Variants in ADGB observed in about 807,000 individuals in gnomAD.
The protein encoded by ADGB is calpain-7-like protein.
Under a neutral mutation model 210.5 loss-of-function variants are expected in ADGB, and 172 were observed. The ratio of observed to expected loss-of-function variants is 0.82; its 90% CI spans 0.72 to 0.93. The LOEUF is 0.93. ADGB is among the 40% of genes least tolerant of loss of function. The pLI, the probability that ADGB is intolerant of heterozygous loss-of-function variation, is 0.00. For missense variants in ADGB, 2,025 were observed against 1,964.8 expected, an observed-to-expected ratio of 1.03 and a Z score of -0.58; for synonymous variants, 658 against 662.7, an observed-to-expected ratio of 0.99 and a Z score of 0.11.
intron 29 of ADGB, among the ~76,000 whole-genome samples, chr6:146,772,460 C>T (rs1015569312): frequency 3.4e-5 from 5 of 147,170 alleles, no homozygotes; most frequent in Non-Finnish European, 7.5e-5. Context: ...GCTGGCACAG[C>T]TGGGAATTCT....
intron 15 of ADGB, 133 bp downstream of exon 15, chr6:146,717,202 C>T: frequency 1.4e-6 from 1 of 728,708 alleles, no homozygotes; most frequent in South Asian, 2.5e-5. Context: ...TAATTCTTAG[C>T]ATCATCCAAA....
chr6:146,771,286 CTG>C (rs2114633445), intron 29 of ADGB, among the ~76,000 whole-genome samples: 1 of 151,982 alleles, frequency 6.6e-6, no homozygotes, highest in African/African-American at 2.4e-5. Flanking sequence ...TTGCCTAACC[CTG>C]TGTTATGGAT....
At chr6:146,746,168 T>C in intron 26 of ADGB, 59 bp downstream of exon 26, 1 of 1,230,130 alleles carries the variant, frequency 8.1e-7, no homozygotes. Flanking sequence ...TATTTTAGGA[T>C]AAAAATAAAT....
At chr6:146,641,972 A>AGTTAAAGATTTAGGTTCTGTATATG (rs1775522891) in intron 2 of ADGB, among the ~76,000 whole-genome samples, 1 of 152,122 alleles carries the variant, frequency 6.6e-6, no homozygotes, top group Non-Finnish European at 1.5e-5. Flanking sequence ...CAGACAAACT[A>AGTTAAAGATTTAGGTTCTGTATATG]CAGAATGGGA....
At chr6:146,680,511 G>A (rs542916617) in intron 9 of ADGB, among the ~76,000 whole-genome samples, 4 of 152,226 alleles carry the variant, frequency 2.6e-5, no homozygotes, top group African/African-American at 7.2e-5. Context: ...GAAAATATGT[G>A]GTGTCTGCTT....
chr6:146,634,391 C>T (rs1236843339), intron 1 of ADGB, among the ~76,000 whole-genome samples: 1 of 152,004 alleles, frequency 6.6e-6, no homozygotes, highest in African/African-American at 2.4e-5. Flanking sequence ...TAATTTGTAT[C>T]CAGAACCCAC....
At chr6:146,697,992 A>G (rs1776432184) in intron 12 of ADGB, among the ~76,000 whole-genome samples, 2 of 152,326 alleles carry the variant, frequency 1.3e-5, no homozygotes, top group South Asian at 4.1e-4. Flanking sequence ...TTACGTGGTT[A>G]GTTTTCAGCT....
At chr6:146,730,241 C>T (rs1187142420) in intron 20 of ADGB, among the ~76,000 whole-genome samples, 1 of 152,084 alleles carries the variant, frequency 6.6e-6, no homozygotes, top group Non-Finnish European at 1.5e-5. Flanking sequence ...GAAATAAAAT[C>T]TCCCAACCTA....
chr6:146,751,474 A>T (rs185148088), intron 26 of ADGB, among the ~76,000 whole-genome samples: 1 of 152,096 alleles, frequency 6.6e-6, no homozygotes, highest in East Asian at 1.9e-4. Flanking sequence ...AGAATGATTT[A>T]TGTTTCTCTG....
At chr6:146,678,566 G>A (rs1242790968) in intron 9 of ADGB, among the ~76,000 whole-genome samples, 1 of 152,106 alleles carries the variant, frequency 6.6e-6, no homozygotes, top group Non-Finnish European at 1.5e-5. Flanking sequence ...AGGTGTTGTA[G>A]TTAATTCTGA....
At chr6:146,733,798 T>G in intron 21 of ADGB, 95 bp from the exon 22 acceptor site, 1 of 1,339,536 alleles carries the variant, frequency 7.5e-7, no homozygotes, top group South Asian at 1.3e-5. Context: ...ATGTAGAATT[T>G]TATATGTTGG....
At chr6:146,751,990 T>C (rs748080769) in intron 26 of ADGB, among the ~76,000 whole-genome samples, 3 of 152,198 alleles carry the variant, frequency 2.0e-5, no homozygotes, top group Non-Finnish European at 4.4e-5. Context: ...CTTTAAAAAG[T>C]AGTTTTACTT....
intron 28 of ADGB, among the ~76,000 whole-genome samples, chr6:146,764,530 C>A (rs1777546032): frequency 6.6e-6 from 1 of 151,680 alleles, no homozygotes; most frequent in African/African-American, 2.4e-5. Context: ...AAAGGTATGA[C>A]CTAGCCATTG....
intron 1 of ADGB, among the ~76,000 whole-genome samples, chr6:146,628,119 A>G (rs1474003920): frequency 6.6e-6 from 1 of 152,102 alleles, no homozygotes; most frequent in Non-Finnish European, 1.5e-5. Flanking sequence ...TAGATTTTAA[A>G]GTCGTTTTTA....
chr6:146,691,905 C>T (rs1290602213), intron 11 of ADGB, among the ~76,000 whole-genome samples: 1 of 151,782 alleles, frequency 6.6e-6, no homozygotes, highest in Non-Finnish European at 1.5e-5. Context: ...CCTTCCATCC[C>T]TCTCTCCGTC....
intron 25 of ADGB, among the ~76,000 whole-genome samples, chr6:146,742,459 T>C (rs6570776): frequency 0.5 from 76,196 of 151,810 alleles, 20,166 homozygotes; most frequent in African/African-American, 0.67. Flanking sequence ...AAATTTAACA[T>C]TTACATTTTA....
chr6:146,631,504 A>G (rs928825108), intron 1 of ADGB, among the ~76,000 whole-genome samples: 3 of 152,314 alleles, frequency 2.0e-5, no homozygotes, highest in Middle Eastern at 3.4e-3. Context: ...CTTCTGCTCA[A>G]TCTCTACCTA....
intron 25 of ADGB, 134 bp downstream of exon 25, chr6:146,741,405 T>C (rs1241715544): frequency 2.8e-6 from 2 of 718,034 alleles, no homozygotes; most frequent in East Asian, 3.0e-5. Context: ...TCTTTCACTA[T>C]AGAAGTCCCA....
At chr6:146,668,245 C>A (rs922840904) in intron 7 of ADGB, among the ~76,000 whole-genome samples, 11 of 151,984 alleles carry the variant, frequency 7.2e-5, no homozygotes, top group South Asian at 4.1e-4. Context: ...ATGATTAAAT[C>A]TACAGTACAG....
Sources: allele counts gnomAD v4.1 joint callset (sites outside exome capture counted in the v4.1 genomes callset), GRCh38; gene constraint gnomAD v4.1.1; transcripts MANE v1.5; gene names NCBI Gene and HGNC (gene_info 2026-07-23, HGNC 2026-07-21).